PLAG1: variants seen among roughly 807,000 people sequenced by gnomAD.
PLAG1 encodes zinc finger protein PLAG1.
A neutral mutation model predicts 35.5 loss-of-function variants in PLAG1; 7 were observed. The observed-to-expected ratio is 0.20, with a 90% CI of 0.11 to 0.37. The LOEUF (loss-of-function observed/expected upper bound fraction) is 0.37, where lower values mean the gene tolerates loss of function less well. Ranked by LOEUF, PLAG1 falls within the 10% of genes least tolerant of loss-of-function variation. The probability of loss-of-function intolerance (pLI) is 1.00; values close to 1 mark genes in which losing one functional copy is unlikely to be tolerated. For synonymous variants in PLAG1, 229 were observed against 225.4 expected, an observed-to-expected ratio of 1.02 and a Z score of -0.14; for missense variants, 454 against 602.8, an observed-to-expected ratio of 0.75 and a Z score of 2.58.
chr8:56,178,226 A>T (rs1811766193), intron 2 of PLAG1, among the ~76,000 whole-genome samples: 1 of 152,200 alleles, frequency 6.6e-6, no homozygotes, highest in Admixed American at 6.5e-5. Context: ...ATCAGAGGAA[A>T]TTTTCAACTG....
Position 56,166,534 on chromosome 8 carries a change from A to T in PLAG1, c.1212T>A (p.Ser404=). 6.2e-7 allele frequency: 1 copy of T among 1,614,026 alleles called. No homozygotes were observed. The highest frequency in any genetic ancestry group is 8.5e-7 in the Non-Finnish European group (1 of 1,179,910). Residue 404 remains serine (S), a synonymous_variant, in exon 5 of 5, where the codon TCT becomes TCA. Coordinates refer to ENST00000316981, the MANE Select transcript of PLAG1 (RefSeq NM_002655.3). Reference sequence around the variant, plus strand: ...TGTTTAGGGGGTCACTGATGGAGATAGAGCTTTTGGATAGGGAGAGGTCTC... The same window carrying T: ...TGTTTAGGGGGTCACTGATGGAGATTGAGCTTTTGGATAGGGAGAGGTCTC... ...GAGDLSLSKS[S]ISISDPLNTP...
chr8:56,201,281 A>C (rs945361010), intron 1 of PLAG1, among the ~76,000 whole-genome samples: 1 of 152,242 alleles, frequency 6.6e-6, no homozygotes, highest in Admixed American at 6.5e-5. Flanking sequence ...TTGTTTAATG[A>C]AATAAGACCA....
chr8:56,180,449 G>A (rs1220343256), intron 1 of PLAG1, among the ~76,000 whole-genome samples: 3 of 152,206 alleles, frequency 2.0e-5, no homozygotes, highest in Admixed American at 6.5e-5. Context: ...ACCTTTTGTC[G>A]TGGAGAAGCT....
chr8:56,203,307 T>C (rs546017253), intron 1 of PLAG1, among the ~76,000 whole-genome samples: 3 of 152,290 alleles, frequency 2.0e-5, no homozygotes, highest in Admixed American at 2.0e-4. Context: ...TTCAGTTTAA[T>C]ATTTAAAGCT....
chr8:56,166,996 G>A lies in PLAG1; in HGVS notation c.750C>T (p.Phe250=). The change falls in exon 5 of 5, where the codon TTC becomes TTT. Residue 250 remains phenylalanine, a synonymous_variant. Coordinates refer to ENST00000316981, the MANE Select transcript of PLAG1 (RefSeq NM_002655.3). Reference sequence around the variant, plus strand: ...ACACATTGCAGGTAAATGGGTCAAGGAAATCCACTGGTTCTGTTTTGACCT... The same window carrying A: ...ACACATTGCAGGTAAATGGGTCAAGAAAATCCACTGGTTCTGTTTTGACCT... ...LLKVKTEPVD[F]LDPFTCNVSV... The A allele has an allele frequency of 6.2e-7, 1 of 1,614,120 alleles. No homozygotes were observed. The highest frequency in any genetic ancestry group is 8.5e-7 in the Non-Finnish European group (1 of 1,180,002).
chr8:56,167,034 G>C lies in PLAG1; in HGVS notation c.712C>G (p.Gln238Glu). 2 of 1,614,126 alleles carry C rather than the reference G, an allele frequency of 1.2e-6. No homozygotes were observed. The highest frequency in any genetic ancestry group is 2.2e-5 in the South Asian group (2 of 91,082). The change falls in exon 5 of 5, where the codon CAA becomes GAA. Residue 238 changes from glutamine to glutamate, a missense_variant. Gln to Glu is a conservative substitution (Grantham distance 29, BLOSUM62 2). Transcript: ENST00000316981. The surrounding 1 kb of genome is among the most constrained non-coding windows in gnomAD (Gnocchi z 5.9). ...LTRHMKKSHN[Q>E]ELLKVKTEPV... ...TCTGTTTTGACCTTCAGAAGCTCTT[G>C]ATTGTGACTCTTCTTCATATGTCGA...
intron 2 of PLAG1, among the ~76,000 whole-genome samples, chr8:56,174,087 T>G (rs1811619796): frequency 6.6e-6 from 1 of 152,214 alleles, no homozygotes; most frequent in Non-Finnish European, 1.5e-5. Flanking sequence ...CAAACAGATT[T>G]TGCTAATTAA....
intron 1 of PLAG1, among the ~76,000 whole-genome samples, chr8:56,199,829 T>C (rs559911735): frequency 3.4e-4 from 51 of 152,120 alleles, no homozygotes; most frequent in Middle Eastern, 3.2e-3. Flanking sequence ...GGAGCTAAGC[T>C]AGACATCTGG....
intron 2 of PLAG1, among the ~76,000 whole-genome samples, chr8:56,176,981 C>T (rs554426695): frequency 3.7e-4 from 56 of 152,218 alleles, no homozygotes; most frequent in Admixed American, 3.4e-3. Context: ...TGTCAAGCAC[C>T]CATACTGAAT....
rs781760820 is a variant in PLAG1, at chr8:56,167,275, T to G, written c.471A>C (p.Gln157His). The G allele has an allele frequency of 1.2e-6, 2 of 1,614,080 alleles. No homozygotes were observed. The highest frequency in any genetic ancestry group is 1.7e-6 in the Non-Finnish European group (2 of 1,180,000). The change falls in exon 5 of 5, where the codon CAA (glutamine) becomes CAC (histidine). Residue 157 changes from glutamine to histidine, a missense_variant. This residue lies in a region of PLAG1 where 170 missense variants were observed against 226.3 expected (regional missense o/e 0.75). Transcript: ENST00000316981. This position sits in a 1 kb window ranked among gnomAD's most constrained non-coding sequence, Gnocchi z 5.9. ...SGDLTCKVCL[Q>H]TFESTGVLLE... Reference sequence around the variant, plus strand: ...GAAGCACTCCCGTGCTTTCAAAAGTTTGCAAACATACCTTACAGGTGAGGT... The same window carrying G: ...GAAGCACTCCCGTGCTTTCAAAAGTGTGCAAACATACCTTACAGGTGAGGT...
intron 1 of PLAG1, among the ~76,000 whole-genome samples, chr8:56,182,037 A>G (rs1811883335): frequency 6.6e-6 from 1 of 152,234 alleles, no homozygotes; most frequent in African/African-American, 2.4e-5. Flanking sequence ...GGCTACCGTG[A>G]AGTGTAATTT....
intron 1 of PLAG1, among the ~76,000 whole-genome samples, chr8:56,201,064 C>T (rs1812533638): frequency 6.6e-6 from 1 of 152,074 alleles, no homozygotes; most frequent in East Asian, 1.9e-4. Flanking sequence ...CCCCAAATCC[C>T]CCAAACCCAT....
chr8:56,187,405 C>T (rs563469722), intron 1 of PLAG1, among the ~76,000 whole-genome samples: 52 of 152,318 alleles, frequency 3.4e-4, no homozygotes, highest in South Asian at 1.2e-3. Context: ...AGGCAAGAAT[C>T]AGAACTAGGC....
intron 1 of PLAG1, among the ~76,000 whole-genome samples, chr8:56,209,821 G>A (rs1476344651): frequency 1.3e-5 from 2 of 152,084 alleles, no homozygotes; most frequent in African/African-American, 4.8e-5. Flanking sequence ...AAAGGAGGGA[G>A]CCACTAACAA....
At chr8:56,168,428 C>T (rs1811419302) in intron 3 of PLAG1, 42 bp from the exon 4 acceptor site, 3 of 981,212 alleles carry the variant, frequency 3.1e-6, no homozygotes, top group Admixed American at 3.7e-5. Context: ...TAACTAAACT[C>T]AATTTTTAAA....
At chr8:56,205,236 A>G (rs183275357) in intron 1 of PLAG1, among the ~76,000 whole-genome samples, 1 of 151,890 alleles carries the variant, frequency 6.6e-6, no homozygotes, top group African/African-American at 2.4e-5. Context: ...ACAATGAAGA[A>G]AATGATTTTC....
At position 56,163,273 on chromosome 8, in the gene PLAG1, A is replaced by G; in HGVS notation, c.*2970T>C. On this transcript the variant is annotated 3_prime_UTR_variant, in exon 5 of 5. Coordinates refer to ENST00000316981, the MANE Select transcript of PLAG1 (RefSeq NM_002655.3). ...GGCACTACCAGAAATTTCAAGGATA[A>G]TGATTCTGGCCACTAGAGAATGAAA... 6.5e-6 allele frequency: 1 copy of G among 153,562 alleles called. No homozygotes were observed. Among genetic ancestry groups the G allele is most frequent in the Non-Finnish European group, 1.3e-5 (1 of 77,620 alleles). 9.5% of individuals were successfully genotyped at this position (153,562 alleles called of 1,614,324 possible).
chr8:56,200,708 C>T (rs978471958), intron 1 of PLAG1, among the ~76,000 whole-genome samples: 1 of 152,152 alleles, frequency 6.6e-6, no homozygotes. Flanking sequence ...CTAACCTCTG[C>T]CAAAACCATT....
At position 56,162,001 on chromosome 8, in the gene PLAG1, G is replaced by A. The variant is rs1811215053; in HGVS notation, c.*4242C>T. The A allele has an allele frequency of 4.4e-6, 1 of 226,818 alleles. No individual in the cohort carries two copies. The highest frequency in any genetic ancestry group is 8.8e-6 in the Non-Finnish European group (1 of 113,790). The allele number at this position is 226,818 out of a possible 1,614,324, so 14.1% of individuals were successfully genotyped here. ...ACAACATCATAGAAAGGCCCTAAGT[G>A]CAATCTGAGTGTGCCTTCACCAATG... On this transcript the variant is annotated 3_prime_UTR_variant, in exon 5 of 5. Coordinates refer to ENST00000316981, the MANE Select transcript of PLAG1 (RefSeq NM_002655.3).
Sources: gnomAD v4.1 joint callset for allele counts (sites outside exome capture counted in the v4.1 genomes callset) on GRCh38, gnomAD v4.1.1 for gene constraint, gnomAD v4.1.1 regional missense constraint, Gnocchi (gnomAD v3.1) non-coding constraint, MANE v1.5 for transcripts, NCBI Gene and HGNC (gene_info 2026-07-23, HGNC 2026-07-21) for gene names.